The following CCDC83 variants were observed in gnomAD, a reference collection of about 807,000 sequenced individuals.
CCDC83 encodes coiled-coil domain containing 83.
In CCDC83, 54 loss-of-function variants were observed where a neutral mutation model predicts 50.1. The ratio of observed to expected loss-of-function variants is 1.08; its 90% confidence interval spans 0.87 to 1.35. The LOEUF (loss-of-function observed/expected upper bound fraction) is 1.35, where lower values mean the gene tolerates loss of function less well. Among genes scored for constraint, CCDC83 ranks in the 40% most tolerant of loss-of-function variants. The pLI is 0.00. For missense variants in CCDC83, 518 were observed against 473.9 expected, an observed-to-expected ratio of 1.09 and a Z score of -0.86; for synonymous variants, 161 against 153.3, an observed-to-expected ratio of 1.05 and a Z score of -0.37.
At chr11:85,893,644 C>G (rs1202701267) in intron 5 of CCDC83, among the ~76,000 whole-genome samples, 1 of 152,188 alleles carries the variant, frequency 6.6e-6, no homozygotes, top group African/African-American at 2.4e-5. Context: ...CAGCGGCTCT[C>G]CATCACTTGC....
At chr11:85,895,263 T>TA in intron 5 of CCDC83, 30 bp from the exon 6 acceptor site, 1 of 861,372 alleles carries the variant, frequency 1.2e-6, no homozygotes, top group Non-Finnish European at 1.6e-6. Flanking sequence ...CTTTTAATTT[T>TA]CTTTTTTTTT....
At chr11:85,865,370 C>G (rs894302833) in intron 2 of CCDC83, 152 bp downstream of exon 2, 3 of 597,088 alleles carry the variant, frequency 5.0e-6, no homozygotes, top group Non-Finnish European at 8.9e-6. Context: ...GTGCTATGCA[C>G]ATATTTTTAA....
chr11:85,856,633 G>T (rs2093142970), intron 1 of CCDC83, among the ~76,000 whole-genome samples: 1 of 152,164 alleles, frequency 6.6e-6, no homozygotes, highest in Non-Finnish European at 1.5e-5. Flanking sequence ...TAAAGGATTG[G>T]TGAAGAAAAT....
intron 7 of CCDC83, among the ~76,000 whole-genome samples, chr11:85,900,518 T>C (rs2093396281): frequency 1.3e-5 from 2 of 152,166 alleles, no homozygotes; most frequent in African/African-American, 4.8e-5. Context: ...CACATTCCCA[T>C]TCAGAGGAAA....
intron 5 of CCDC83, among the ~76,000 whole-genome samples, chr11:85,893,916 G>A (rs577627264): frequency 6.6e-6 from 1 of 152,186 alleles, no homozygotes; most frequent in South Asian, 2.1e-4. Flanking sequence ...TTGGCATACA[G>A]AAAGAGCTTG....
chr11:85,890,419 A>G (rs961025246), intron 5 of CCDC83, among the ~76,000 whole-genome samples: 23 of 152,168 alleles, frequency 1.5e-4, no homozygotes, highest in African/African-American at 5.1e-4. Flanking sequence ...TAGGTCCCCA[A>G]CAGAAAAACA....
At chr11:85,893,781 A>T (rs12286312) in intron 5 of CCDC83, among the ~76,000 whole-genome samples, 42,538 of 152,058 alleles carry the variant, frequency 0.28, 6,310 homozygotes, top group Middle Eastern at 0.29. Flanking sequence ...GAATCTAATG[A>T]CTAATGATCT....
Position 85,898,944 on chromosome 11 carries a change from T to G in CCDC83, c.604-3T>G, listed in dbSNP as rs760678029. The G allele has an allele frequency of 6.2e-7, 1 of 1,607,152 alleles. No individual in the cohort carries two copies. Among genetic ancestry groups the G allele is most frequent in the Non-Finnish European group, 8.5e-7 (1 of 1,176,012 alleles). ...CTTCCTTAATCCAGAAACTTTCTTT[T>G]AGAATGCTGTAAAGCTCATTGACAA... On this transcript the variant is annotated splice_region_variant and splice_polypyrimidine_tract_variant and intron_variant, in intron 6 of 10. Transcript: ENST00000342404.
chr11:85,896,423 A>G (rs1398791280), intron 6 of CCDC83, among the ~76,000 whole-genome samples: 1 of 151,058 alleles, frequency 6.6e-6, no homozygotes, highest in South Asian at 2.1e-4. Flanking sequence ...AAAAAAAAAA[A>G]AAAACCAAAA....
intron 2 of CCDC83, among the ~76,000 whole-genome samples, chr11:85,868,209 G>C (rs1001794890): frequency 6.6e-6 from 1 of 152,128 alleles, no homozygotes; most frequent in African/African-American, 2.4e-5. Context: ...TAAAATTATC[G>C]TCTCTGAATA....
intron 2 of CCDC83, among the ~76,000 whole-genome samples, 182 bp from the exon 3 acceptor site, chr11:85,873,029 C>G (rs2093248304): frequency 6.6e-6 from 1 of 151,200 alleles, no homozygotes; most frequent in African/African-American, 2.4e-5. Context: ...TTGAAGTTTT[C>G]TCTCCAATAT....
chr11:85,870,664 A>T (rs886413762), intron 2 of CCDC83, among the ~76,000 whole-genome samples: 5 of 151,836 alleles, frequency 3.3e-5, no homozygotes, highest in Non-Finnish European at 5.9e-5. Context: ...TGGGCAGCAC[A>T]GAGCCTTATT....
At chr11:85,873,584 T>G (rs574037612) in intron 3 of CCDC83, among the ~76,000 whole-genome samples, 1 of 152,336 alleles carries the variant, frequency 6.6e-6, no homozygotes, top group South Asian at 2.1e-4. Flanking sequence ...ACCACATTTA[T>G]CTTTTGACTT....
Position 85,873,236 on chromosome 11 carries a change from G to C in CCDC83, c.121G>C (p.Glu41Gln). 6.4e-7 allele frequency: 1 copy of C among 1,557,614 alleles called. No individual in the cohort carries two copies. ...YQCQIKEDAV[E>Q]QFMFQIKTLR... The stretch of plus-strand genomic sequence containing the variant: ...ATGTCAAATAAAGGAAGATGCCGTG[G>C]AGCAATTCATGTTTCAAATAAAGAC... The change falls in exon 3 of 11, where the codon GAG (glutamate) becomes CAG (glutamine). Residue 41 changes from glutamate to glutamine, a missense_variant. By Grantham distance (29) the Glu-to-Gln change is conservative (BLOSUM62 2). Transcript: ENST00000342404.
At chr11:85,884,670 C>CT (rs1187467996) in intron 4 of CCDC83, among the ~76,000 whole-genome samples, 4 of 152,160 alleles carry the variant, frequency 2.6e-5, no homozygotes, top group African/African-American at 4.8e-5. Flanking sequence ...ACAAAAATCT[C>CT]TGGGGCGTAT....
intron 8 of CCDC83, among the ~76,000 whole-genome samples, chr11:85,911,647 T>C (rs1227170276): frequency 2.0e-5 from 3 of 152,130 alleles, no homozygotes; most frequent in Non-Finnish European, 2.9e-5. Flanking sequence ...GCACATAACA[T>C]GAACATCATA....
intron 7 of CCDC83, among the ~76,000 whole-genome samples, chr11:85,902,981 C>T (rs561253548): frequency 1.3e-5 from 2 of 152,194 alleles, no homozygotes; most frequent in Non-Finnish European, 2.9e-5. Context: ...CCTGTAATCC[C>T]AACACTTTGG....
At chr11:85,882,368 T>A (rs1202961521) in intron 3 of CCDC83, 145 bp from the exon 4 acceptor site, 2 of 677,616 alleles carry the variant, frequency 3.0e-6, no homozygotes, top group Non-Finnish European at 5.1e-6. Flanking sequence ...GGATACCACC[T>A]CATAATGTCT....
intron 2 of CCDC83, among the ~76,000 whole-genome samples, chr11:85,873,009 A>C (rs116940726): frequency 0.14 from 21,107 of 151,850 alleles, 1,742 homozygotes; most frequent in Middle Eastern, 0.2. Flanking sequence ...TCAAAAAAAA[A>C]CAAACAACTT....
Sources: allele counts gnomAD v4.1 joint callset (sites outside exome capture counted in the v4.1 genomes callset), GRCh38; gene constraint gnomAD v4.1.1; transcripts MANE v1.5; gene names NCBI Gene and HGNC (gene_info 2026-07-23, HGNC 2026-07-21).